RBBP8: variants seen among roughly 807,000 people sequenced by gnomAD.
RBBP8 encodes the protein DNA endonuclease RBBP8.
RBBP8 carries 88 observed loss-of-function variants against 108.3 expected under a neutral mutation model. The ratio of observed to expected loss-of-function variants is 0.81; its 90% CI spans 0.68 to 0.97. The LOEUF (loss-of-function observed/expected upper bound fraction) is 0.97. Among genes scored for constraint, RBBP8 ranks in the 50% least tolerant of loss-of-function variants. The pLI, the probability that RBBP8 is intolerant of heterozygous loss-of-function variation, is 0.00. For missense variants in RBBP8, 1,023 were observed against 1,049.0 expected, an observed-to-expected ratio of 0.98 and a Z score of 0.34; for synonymous variants, 332 against 348.2, an observed-to-expected ratio of 0.95 and a Z score of 0.52.
rs77884928 is a variant in RBBP8, at chr18:22,976,409, C to G, written c.428+1190C>G. 2.7e-3 allele frequency among the ~76,000 whole-genome samples: 407 copies of G among 152,204 alleles called. 1 individual carries two copies. Among genetic ancestry groups the G allele is most frequent in the African/African-American group, 9.3e-3 (386 of 41,564 alleles). On this transcript the variant is annotated intron_variant, in intron 6 of 18. Transcript: ENST00000327155. ...CAGGACACAGATCCACAATCTGTTACATAGAATTCCAAAACCCAAAAGGTT... is the reference window on the plus strand; with the variant it reads ...CAGGACACAGATCCACAATCTGTTAGATAGAATTCCAAAACCCAAAAGGTT...
intron 14 of RBBP8, among the ~76,000 whole-genome samples, chr18:22,998,433 G>C (rs1407032185): frequency 6.6e-6 from 1 of 152,176 alleles, no homozygotes; most frequent in African/African-American, 2.4e-5. Flanking sequence ...TGATTTTCCG[G>C]AAGAGATGAG....
intron 8 of RBBP8, 144 bp from the exon 9 acceptor site, chr18:22,989,077 C>T (rs1915512846): frequency 1.7e-5 from 10 of 575,668 alleles, no homozygotes; most frequent in Non-Finnish European, 2.1e-5. Flanking sequence ...GGACTTTTTG[C>T]ACAGAATTTT....
At chr18:22,959,417 C>CTG (rs1160219503) in intron 4 of RBBP8, among the ~76,000 whole-genome samples, 2 of 152,094 alleles carry the variant, frequency 1.3e-5, no homozygotes, top group South Asian at 2.1e-4. Flanking sequence ...TCGTGATGCT[C>CTG]TGTGTGTGTG....
rs564549517 is a variant in RBBP8, at chr18:22,926,075, C to G, written c.-153-3308C>G. On this transcript the variant is annotated intron_variant, in intron 3 of 4. Coordinates refer to the RBBP8 transcript ENST00000577588. Reference sequence around the variant, plus strand: ...TAGATACGAAATATTGTCCAAACAGCCACTGCATTATAAATAGATGACATG... The same window carrying G: ...TAGATACGAAATATTGTCCAAACAGGCACTGCATTATAAATAGATGACATG... 3.4e-4 allele frequency among the ~76,000 whole-genome samples: 52 copies of G among 152,278 alleles called. 2 individuals are homozygous for G. The South Asian group carries it at 5.0e-3, about 15-fold the overall frequency.
intron 15 of RBBP8, among the ~76,000 whole-genome samples, chr18:23,003,800 A>T (rs576741528): frequency 3.9e-5 from 6 of 152,232 alleles, no homozygotes; most frequent in African/African-American, 1.4e-4. Flanking sequence ...TGATATGAAG[A>T]TTCCTCAGAA....
At chr18:23,000,740 CAAA>C (rs78173403) in intron 14 of RBBP8, among the ~76,000 whole-genome samples, 6 of 87,124 alleles carry the variant, frequency 6.9e-5, no homozygotes, top group Admixed American at 2.6e-4. Flanking sequence ...GACTCCGTCT[CAAA>C]AAAAAAAAAA....
intron 4 of RBBP8, among the ~76,000 whole-genome samples, chr18:22,958,592 CT>C (rs1598663631): frequency 6.6e-6 from 1 of 152,132 alleles, no homozygotes; most frequent in African/African-American, 2.4e-5. Flanking sequence ...TCTCGCTCTG[CT>C]GGAGTGCAGT....
chr18:23,012,299 A>G (rs902669423), intron 16 of RBBP8, among the ~76,000 whole-genome samples: 2 of 152,104 alleles, frequency 1.3e-5, no homozygotes, highest in African/African-American at 4.8e-5. Context: ...TTTAAATCAA[A>G]TGCTAGAAAT....
At chr18:23,023,869 CTTTTTTTTTT>C (rs10655759) in intron 18 of RBBP8, among the ~76,000 whole-genome samples, 1 of 86,118 alleles carries the variant, frequency 1.2e-5, no homozygotes, top group African/African-American at 4.6e-5. Flanking sequence ...ATGAAGGGGC[CTTTTTTTTTT>C]TTTTTTTTTT....
upstream of RBBP8, among the ~76,000 whole-genome samples, chr18:22,930,758 AC>A (rs1651522097): frequency 6.6e-6 from 1 of 152,008 alleles, no homozygotes; most frequent in Non-Finnish European, 1.5e-5. Flanking sequence ...GGGTGAACAA[AC>A]CTTTTTTATT....
At chr18:22,990,793 G>T (rs906266950) in intron 9 of RBBP8, 144 bp from the exon 10 acceptor site, 2 of 628,848 alleles carry the variant, frequency 3.2e-6, no homozygotes, top group African/African-American at 3.7e-5. Flanking sequence ...CATATAAATG[G>T]AATCATACAT....
At position 23,022,651 on chromosome 18, in the gene RBBP8, T is replaced by TAAAATA. The variant is rs370599195; in HGVS notation, c.2596+382_2596+383insAAATAA. Among the ~76,000 whole-genome samples the TAAAATA allele has an allele frequency of 3.0e-4, 25 of 84,286 alleles. 1 individual carries two copies. The highest frequency in any genetic ancestry group is 1.3e-3 in the African/African-American group (22 of 17,318). 55.3% of individuals were successfully genotyped at this position (84,286 alleles called of 152,430 possible). A position where few individuals can be genotyped will look rare whatever the true frequency, so the allele number is the denominator to read the frequency against. ...ATAAAATAAAATAAATAAAATACAA[T>TAAAATA]ATAAAATAAAATAAAATAAATAACT... On this transcript the variant is annotated intron_variant, in intron 18 of 18. Coordinates refer to ENST00000327155, the MANE Select transcript of RBBP8 (RefSeq NM_002894.3).
chr18:23,003,736 G>A (rs80310704), intron 15 of RBBP8, among the ~76,000 whole-genome samples: 4,006 of 152,200 alleles, frequency 0.026, 381 homozygotes, highest in East Asian at 0.21. Context: ...AAGATGCATT[G>A]TAAAAATCAA....
At chr18:22,979,971 C>T (rs1241294580) in intron 6 of RBBP8, among the ~76,000 whole-genome samples, 8 of 151,968 alleles carry the variant, frequency 5.3e-5, no homozygotes, top group African/African-American at 1.4e-4. Flanking sequence ...TGCAGCTGGG[C>T]GCCGTGGTTC....
At chr18:23,003,601 T>C (rs948742856) in intron 15 of RBBP8, among the ~76,000 whole-genome samples, 3 of 152,338 alleles carry the variant, frequency 2.0e-5, no homozygotes, top group African/African-American at 7.2e-5. Flanking sequence ...TGCTAGCGTT[T>C]AGCTATTTGA....
chr18:22,961,602 G>C (rs747028460), intron 4 of RBBP8, among the ~76,000 whole-genome samples: 27 of 152,196 alleles, frequency 1.8e-4, no homozygotes, highest in Non-Finnish European at 3.8e-4. Context: ...TGTGGCCCAG[G>C]ACAGCTTTGA....
At chr18:22,995,528 T>C (rs942695986) in intron 12 of RBBP8, among the ~76,000 whole-genome samples, 4 of 152,198 alleles carry the variant, frequency 2.6e-5, no homozygotes, top group African/African-American at 9.6e-5. Context: ...ACCATCACTG[T>C]AGTCTAGGTT....
chr18:22,937,167 C>A (rs1224401627), intron 2 of RBBP8: 1 of 1,064,610 alleles, frequency 9.4e-7, no homozygotes, highest in South Asian at 1.6e-5. Context: ...AGCATGGTAC[C>A]CCATAGGTAG....
chr18:22,983,546 T>C (rs1915097451), intron 7 of RBBP8, among the ~76,000 whole-genome samples: 1 of 152,134 alleles, frequency 6.6e-6, no homozygotes, highest in South Asian at 2.1e-4. Flanking sequence ...AGATAATCAC[T>C]GCATAATTTA....
Sources: gnomAD v4.1 joint callset for allele counts (sites outside exome capture counted in the v4.1 genomes callset) on GRCh38, gnomAD v4.1.1 for gene constraint, MANE v1.5 for transcripts, NCBI Gene and HGNC (gene_info 2026-07-23, HGNC 2026-07-21) for gene names.